ELF2: variants seen among roughly 807,000 people sequenced by gnomAD.
ELF2 encodes the protein ETS-related transcription factor Elf-2.
In ELF2, 11 loss-of-function variants were observed where a neutral mutation model predicts 54.8. The ratio of observed to expected loss-of-function variants is 0.20; its 90% confidence interval spans 0.13 to 0.33. The LOEUF is 0.33. Ranked by LOEUF, ELF2 falls within the 10% of genes least tolerant of loss-of-function variation. ELF2 has a pLI of 1.00. For synonymous variants in ELF2, 203 were observed against 245.1 expected, an observed-to-expected ratio of 0.83 and a Z score of 1.61; for missense variants, 513 against 703.0, an observed-to-expected ratio of 0.73 and a Z score of 3.06.
intron 6 of ELF2, among the ~76,000 whole-genome samples, chr4:139,069,973 T>C (rs1729280489): frequency 6.6e-6 from 1 of 151,828 alleles, no homozygotes; most frequent in South Asian, 2.1e-4. Flanking sequence ...CCCGAGTAGC[T>C]AGGACTACAG....
chr4:139,088,409 G>C (rs924190184), intron 4 of ELF2, among the ~76,000 whole-genome samples: 1 of 151,482 alleles, frequency 6.6e-6, no homozygotes, highest in African/African-American at 2.4e-5. Flanking sequence ...AATACTTTCT[G>C]AACTCTACCC....
intron 4 of ELF2, among the ~76,000 whole-genome samples, chr4:139,123,301 G>T (rs1418800462): frequency 1.3e-5 from 2 of 151,530 alleles, no homozygotes; most frequent in Non-Finnish European, 1.5e-5. Context: ...TTGTGTTGAA[G>T]TAAATTTTAA....
intron 4 of ELF2, among the ~76,000 whole-genome samples, chr4:139,087,745 G>A (rs750857925): frequency 3.9e-5 from 6 of 152,172 alleles, no homozygotes; most frequent in Admixed American, 1.3e-4. Context: ...AATTACAGGC[G>A]TGAGTCACCA....
Position 139,166,655 on chromosome 4 carries a change from T to A in ELF2, c.-252+10312A>T, listed in dbSNP as rs944165090. Among the ~76,000 whole-genome samples, 107 of 152,190 alleles carry A rather than the reference T, an allele frequency of 7.0e-4. 1 individual carries two copies. The highest frequency in any genetic ancestry group is 2.5e-3 in the African/African-American group (105 of 41,524). ...AGGCCGAGGTGGGCGGATCACAAGG[T>A]CAGGAGATCGAGACCATCCTGGCTA... On this transcript the variant is annotated intron_variant, in intron 1 of 9. Coordinates refer to ENST00000686138, the MANE Select transcript of ELF2 (RefSeq NM_001331036.3).
chr4:139,098,880 CAATA>C (rs1475051040), intron 4 of ELF2, among the ~76,000 whole-genome samples: 4 of 152,354 alleles, frequency 2.6e-5, no homozygotes, highest in South Asian at 4.1e-4. Context: ...CTTGTGATCA[CAATA>C]GATAACTTTA....
At chr4:139,105,018 C>T (rs904594457) in intron 4 of ELF2, among the ~76,000 whole-genome samples, 2 of 152,140 alleles carry the variant, frequency 1.3e-5, no homozygotes, top group Admixed American at 1.3e-4. Context: ...ACGAATTGTT[C>T]ACTTTCTAGG....
At chr4:139,152,140 G>A (rs933045732) in intron 1 of ELF2, among the ~76,000 whole-genome samples, 4 of 152,120 alleles carry the variant, frequency 2.6e-5, no homozygotes, top group Non-Finnish European at 5.9e-5. Flanking sequence ...CTTCATTGTG[G>A]TGGTGACTGC....
intron 1 of ELF2, among the ~76,000 whole-genome samples, chr4:139,169,252 G>A (rs1304887472): frequency 6.6e-6 from 1 of 151,452 alleles, no homozygotes; most frequent in Non-Finnish European, 1.5e-5. Context: ...GAAAGTTGAG[G>A]CAGGAGAATC....
chr4:139,106,784 C>A (rs1236679972), intron 4 of ELF2, among the ~76,000 whole-genome samples: 1 of 145,940 alleles, frequency 6.9e-6, no homozygotes, highest in East Asian at 2.0e-4. Flanking sequence ...GCTCTTGTTG[C>A]CCAGGCTGGA....
intron 4 of ELF2, among the ~76,000 whole-genome samples, chr4:139,100,133 T>C (rs1008371664): frequency 1.2e-4 from 18 of 152,362 alleles, no homozygotes; most frequent in Middle Eastern, 3.4e-3. Flanking sequence ...AAATCCTTGC[T>C]TCCACCACTT....
chr4:139,079,097 T>G lies in ELF2; in HGVS notation c.239-5530A>C, dbSNP rs373534201. Among the ~76,000 whole-genome samples the G allele has an allele frequency of 2.8e-4, 42 of 151,724 alleles. 1 individual carries two copies. In the East Asian group the frequency reaches 7.6e-3, roughly 27 times the overall value. Reference sequence around the variant, plus strand: ...CGCATCAGCACACCCAGCTAATTTTTTGATTTTTTTTTTTAGAGACGAGGG... The same window carrying G: ...CGCATCAGCACACCCAGCTAATTTTGTGATTTTTTTTTTTAGAGACGAGGG... On this transcript the variant is annotated intron_variant, in intron 4 of 9. Coordinates refer to ENST00000686138, the MANE Select transcript of ELF2 (RefSeq NM_001331036.3).
chr4:139,154,199 A>G (rs1352816395), intron 1 of ELF2, among the ~76,000 whole-genome samples: 2 of 152,234 alleles, frequency 1.3e-5, no homozygotes, highest in African/African-American at 4.8e-5. Flanking sequence ...TCTTCAGAAC[A>G]CAATAGGTGC....
intron 4 of ELF2, among the ~76,000 whole-genome samples, chr4:139,098,379 A>G (rs546407365): frequency 3.3e-5 from 5 of 152,194 alleles, no homozygotes; most frequent in South Asian, 2.1e-4. Context: ...CTCTGTCCCA[A>G]TGAAAAATGT....
chr4:139,060,349 A>T lies in ELF2; in HGVS notation c.1132T>A (p.Ser378Thr), dbSNP rs752543448. The change falls in exon 9 of 10, where the codon TCT becomes ACT. Residue 378 changes from serine (S) to threonine (T), a missense_variant. Transcript: ENST00000686138. ...ASSRSPTTTA[S>T]VSATAAPRTV... ...CTTGGAGCTGCTGTTGCTGACACAG[A>T]TGCAGTGGTAGTAGGAGACCTGGAT... 1 of 1,610,764 alleles carries T rather than the reference A, an allele frequency of 6.2e-7. No individual in the cohort carries two copies. Among genetic ancestry groups the T allele is most frequent in the African/African-American group, 1.3e-5 (1 of 74,836 alleles).
intron 4 of ELF2, among the ~76,000 whole-genome samples, chr4:139,115,895 G>A (rs952902447): frequency 3.3e-5 from 5 of 152,162 alleles, no homozygotes; most frequent in African/African-American, 1.2e-4. Flanking sequence ...AGGCTGGAGT[G>A]CAGTGGCGCC....
intron 1 of ELF2, among the ~76,000 whole-genome samples, chr4:139,176,315 C>T (rs1177378398): frequency 2.6e-5 from 4 of 152,226 alleles, no homozygotes; most frequent in African/African-American, 9.6e-5. Flanking sequence ...CGAGTACAAC[C>T]TGTCGTGCAA....
At chr4:139,107,408 A>G (rs796601249) in intron 4 of ELF2, among the ~76,000 whole-genome samples, 7 of 152,354 alleles carry the variant, frequency 4.6e-5, no homozygotes, top group African/African-American at 1.2e-4. Context: ...CAAAACAATA[A>G]ATGTTTGAGG....
chr4:139,085,904 C>G lies in ELF2; in HGVS notation c.239-12337G>C, dbSNP rs187050508. On this transcript the variant is annotated intron_variant, in intron 4 of 9. Coordinates refer to ENST00000686138, the MANE Select transcript of ELF2 (RefSeq NM_001331036.3). ...CTGTGATCGCACCACTGCACTCCAG[C>G]TAGTTATTAGAGAACCACAGTTAGT... is the stretch of plus-strand genomic sequence containing the variant. Among the ~76,000 whole-genome samples, 8 of 152,266 alleles carry G rather than the reference C, an allele frequency of 5.3e-5. No individual in the cohort carries two copies. The East Asian group carries it at 1.5e-3, about 29-fold the overall frequency.
At chr4:139,110,091 T>C (rs976607940) in intron 4 of ELF2, among the ~76,000 whole-genome samples, 1 of 152,230 alleles carries the variant, frequency 6.6e-6, no homozygotes, top group Non-Finnish European at 1.5e-5. Context: ...TTCTAAGTAC[T>C]AGCCATATCA....
Sources: gnomAD v4.1 joint callset for allele counts (sites outside exome capture counted in the v4.1 genomes callset) on GRCh38, gnomAD v4.1.1 for gene constraint, MANE v1.5 for transcripts, NCBI Gene and HGNC (gene_info 2026-07-23, HGNC 2026-07-21) for gene names.